Variants in EPN2 observed in about 807,000 individuals in gnomAD.
EPN2 encodes epsin 2.
In EPN2, 34 loss-of-function variants were observed where a neutral mutation model predicts 61.7. The ratio of observed to expected loss-of-function variants is 0.55; its 90% CI spans 0.42 to 0.73. The LOEUF (loss-of-function observed/expected upper bound fraction) is 0.73. EPN2 is among the 30% of genes least tolerant of loss of function. The pLI is 0.00. For synonymous variants in EPN2, 349 were observed against 353.6 expected, an observed-to-expected ratio of 0.99 and a Z score of 0.15; for missense variants, 714 against 839.2, an observed-to-expected ratio of 0.85 and a Z score of 1.84.
At chr17:19,304,263 T>C (rs1905706397) in intron 4 of EPN2, among the ~76,000 whole-genome samples, 1 of 152,142 alleles carries the variant, frequency 6.6e-6, no homozygotes, top group Non-Finnish European at 1.5e-5. Flanking sequence ...ACGTCCTCAG[T>C]AGCCAAGGTC....
At chr17:19,278,071 C>CAAAA (rs141413016) in intron 1 of EPN2, among the ~76,000 whole-genome samples, 2 of 134,590 alleles carry the variant, frequency 1.5e-5, no homozygotes, top group East Asian at 2.2e-4. Flanking sequence ...GACTATGTCT[C>CAAAA]AAAAAAAAAA....
At chr17:19,331,478 C>T (rs1300786540) in intron 9 of EPN2, among the ~76,000 whole-genome samples, 1 of 148,292 alleles carries the variant, frequency 6.7e-6, no homozygotes, top group East Asian at 2.0e-4. Context: ...TCAAGAAGTT[C>T]ATGTTTATTG....
intron 4 of EPN2, among the ~76,000 whole-genome samples, chr17:19,294,971 A>G (rs1163181214): frequency 6.6e-6 from 1 of 152,140 alleles, no homozygotes; most frequent in Non-Finnish European, 1.5e-5. Flanking sequence ...AAAAAATTAT[A>G]TGACTAGAAA....
chr17:19,297,356 C>T (rs1428436878), intron 4 of EPN2: 1 of 152,252 alleles, frequency 6.6e-6, no homozygotes, highest in Non-Finnish European at 1.5e-5. Flanking sequence ...CAAAGCAGAT[C>T]TAACATTTTA....
intron 8 of EPN2, chr17:19,329,180 C>T: frequency 2.3e-6 from 1 of 444,324 alleles, no homozygotes; most frequent in Non-Finnish European, 4.0e-6. Flanking sequence ...TGTCCTCACC[C>T]CTGGGGGGCT....
Position 19,327,792 on chromosome 17 carries a change from G to A in EPN2, c.1148-919G>A, listed in dbSNP as rs376523388. On this transcript the variant is annotated intron_variant, in intron 7 of 10. Coordinates refer to ENST00000314728, the MANE Select transcript of EPN2 (RefSeq NM_014964.5). ...GGTATCCCTACAAGATAAACTAGAA[G>A]GAGAAACAAGAGAAAGGCTAATAAA... Among the ~76,000 whole-genome samples the A allele has an allele frequency of 9.2e-5, 14 of 152,288 alleles. No homozygotes were observed. In the East Asian group the frequency reaches 1.9e-3, roughly 21 times the overall value.
chr17:19,293,733 G>A (rs946571391), intron 4 of EPN2, among the ~76,000 whole-genome samples: 1 of 151,788 alleles, frequency 6.6e-6, no homozygotes, highest in Non-Finnish European at 1.5e-5. Context: ...ATTTAATTGG[G>A]CCCCAGATCT....
chr17:19,315,974 G>A (rs1185912119), intron 7 of EPN2, among the ~76,000 whole-genome samples: 1 of 152,158 alleles, frequency 6.6e-6, no homozygotes, highest in Non-Finnish European at 1.5e-5. Flanking sequence ...TCATAGAAAC[G>A]GAGTCATGCA....
chr17:19,248,712 G>C (rs893704948), intron 1 of EPN2, among the ~76,000 whole-genome samples: 12 of 152,280 alleles, frequency 7.9e-5, no homozygotes, highest in Non-Finnish European at 1.8e-4. Context: ...TGTTGGCTGG[G>C]AACGCCTGAG....
intron 4 of EPN2, chr17:19,308,618 C>T (rs1009254317): frequency 1.6e-5 from 16 of 985,162 alleles, no homozygotes; most frequent in African/African-American, 1.6e-4. Context: ...GAGGTGGGTG[C>T]GCTGAGGGAA....
At chr17:19,295,385 A>AGCGCGCGC (rs2045509728) in intron 4 of EPN2, among the ~76,000 whole-genome samples, 1 of 112,136 alleles carries the variant, frequency 8.9e-6, no homozygotes, top group Non-Finnish European at 2.2e-5. Context: ...CGCGCAAAAT[A>AGCGCGCGC]GCCAGGTGTA....
At chr17:19,329,500 A>G (rs1311021011) in intron 8 of EPN2, 61 bp from the exon 9 acceptor site, 6 of 1,001,908 alleles carry the variant, frequency 6.0e-6, no homozygotes, top group Non-Finnish European at 9.5e-6. Context: ...TGCACTGGGC[A>G]GTGGAGTTGC....
At chr17:19,265,401 A>C (rs959021527) in intron 1 of EPN2, among the ~76,000 whole-genome samples, 1 of 150,734 alleles carries the variant, frequency 6.6e-6, no homozygotes, top group Non-Finnish European at 1.5e-5. Context: ...AAGAACGTCT[A>C]GGAAGTTACA....
intron 1 of EPN2, among the ~76,000 whole-genome samples, chr17:19,277,860 C>T (rs1282534373): frequency 1.3e-5 from 2 of 152,106 alleles, no homozygotes; most frequent in East Asian, 3.9e-4. Context: ...ATCACGAGGT[C>T]AGGAGATCGA....
chr17:19,279,032 T>C (rs914569823), intron 1 of EPN2, among the ~76,000 whole-genome samples: 1 of 152,158 alleles, frequency 6.6e-6, no homozygotes, highest in African/African-American at 2.4e-5. Context: ...ATAGGCCTTA[T>C]TTCGTTTTTT....
rs1907286701 is a variant in EPN2, at chr17:19,334,086, G to A, written c.1758G>A (p.Glu586=). 13 of 1,610,052 alleles carry A rather than the reference G, an allele frequency of 8.1e-6. No individual in the cohort carries two copies. Among genetic ancestry groups the A allele is most frequent in the Non-Finnish European group, 1.0e-5 (12 of 1,178,278 alleles). The stretch of plus-strand genomic sequence containing the variant: ...CCTTTGGGCCTGGCCCAGGAGTGGA[G>A]TCCATGGCTGTGGCCTCGATGACCT... ...STSFGPGPGV[E]SMAVASMTSA... is the part of the protein sequence containing the mutation. The change falls in exon 11 of 11, where the codon GAG becomes GAA. Residue 586 remains glutamate, a synonymous_variant. Transcript: ENST00000314728. This position sits in a 1 kb window ranked among gnomAD's most constrained non-coding sequence, Gnocchi z 4.9.
At chr17:19,238,635 T>TG (rs2044845899) in intron 1 of EPN2, among the ~76,000 whole-genome samples, 1 of 152,204 alleles carries the variant, frequency 6.6e-6, no homozygotes, top group African/African-American at 2.4e-5. Context: ...GGTCACGCAG[T>TG]GATACTGTGT....
intron 4 of EPN2, among the ~76,000 whole-genome samples, chr17:19,290,777 A>G (rs961618754): frequency 6.6e-6 from 1 of 151,554 alleles, no homozygotes; most frequent in South Asian, 2.1e-4. Context: ...TGATTCACTC[A>G]AGTGAATCAG....
At chr17:19,308,309 G>A (rs1271486303) in intron 4 of EPN2, 29 of 906,710 alleles carry the variant, frequency 3.2e-5, no homozygotes, top group Non-Finnish European at 3.8e-5. Context: ...CCTGGCCTCA[G>A]GTGATCCGCC....
Sources: allele counts gnomAD v4.1 joint callset (sites outside exome capture counted in the v4.1 genomes callset), GRCh38; gene constraint gnomAD v4.1.1; non-coding constraint Gnocchi (gnomAD v3.1); transcripts MANE v1.5; gene names NCBI Gene and HGNC (gene_info 2026-07-23, HGNC 2026-07-21).